The following FGF13 variants were observed in gnomAD, a reference collection of about 807,000 sequenced individuals.
FGF13 encodes the protein fibroblast growth factor 13.
Under a neutral mutation model 19.5 loss-of-function variants are expected in FGF13, and 2 were observed. The observed-to-expected ratio is 0.10, with a 90% CI of 0.04 to 0.32. The LOEUF is 0.32. FGF13 is among the 10% of genes least tolerant of loss of function. The pLI is 1.00. For synonymous variants in FGF13, 72 were observed against 76.9 expected, an observed-to-expected ratio of 0.94 and a Z score of 0.33; for missense variants, 113 against 192.7, an observed-to-expected ratio of 0.59 and a Z score of 2.45.
rs749540678 is a variant in FGF13, at chrX:138,632,636, T to C, written c.*214A>G. On this transcript the variant is annotated 3_prime_UTR_variant, in exon 5 of 5. Transcript: ENST00000315930. ...TTCTCTCAGATTTAGTTCACTAAAA[T>C]GCTTGGCATTCTTATGCACAAGCTC... The C allele has an allele frequency of 3.7e-5, 13 of 352,982 alleles. No homozygotes were observed. The highest frequency in any genetic ancestry group is 6.4e-5 in the Non-Finnish European group (13 of 202,766). 29.1% of individuals were successfully genotyped at this position (352,982 alleles called of 1,213,427 possible). A position where few individuals can be genotyped will look rare whatever the true frequency, so the allele number is the denominator to read the frequency against.
chrX:138,870,761 C>T (rs1356537702), intron 1 of FGF13, among the ~76,000 whole-genome samples: 1 of 112,507 alleles, frequency 8.9e-6, no homozygotes, highest in African/African-American at 3.2e-5. Context: ...AGAGACTCAG[C>T]TTGCCATTGC....
intron 3 of FGF13, among the ~76,000 whole-genome samples, chrX:138,785,395 C>T (rs371540585): frequency 8.9e-6 from 1 of 111,924 alleles, no homozygotes; most frequent in African/African-American, 3.3e-5. Flanking sequence ...AAATCTCTTT[C>T]ATAAGTAGTC....
chrX:138,993,740 A>T (rs1463326283), intron 1 of FGF13, among the ~76,000 whole-genome samples: 2 of 111,942 alleles, frequency 1.8e-5, no homozygotes, highest in Admixed American at 9.5e-5. Context: ...AATCTCTTAG[A>T]GATGTACTTT....
Position 138,848,506 on chromosome X carries a change from G to T in FGF13, c.217+9006C>A, listed in dbSNP as rs943942346. ...CAATAAATTTTTTTCCAGTTATAAA[G>T]TCCTTTTTACTTAATTATTTCTTCT... is the stretch of plus-strand genomic sequence containing the variant. On this transcript the variant is annotated intron_variant, in intron 3 of 6. Transcript: ENST00000436198. 2.7e-5 allele frequency among the ~76,000 whole-genome samples: 3 copies of T among 111,466 alleles called. No homozygotes were observed. In the South Asian group the frequency reaches 1.1e-3, roughly 41 times the overall value.
chrX:138,859,024 A>T (rs2091274364), intron 2 of FGF13, among the ~76,000 whole-genome samples: 2 of 112,227 alleles, frequency 1.8e-5, no homozygotes, highest in Non-Finnish European at 3.8e-5. Flanking sequence ...GGTGATGCTG[A>T]TATTTTAGTC....
At chrX:139,193,072 G>A (rs894864712) in intron 1 of FGF13, among the ~76,000 whole-genome samples, 1 of 110,657 alleles carries the variant, frequency 9.0e-6, no homozygotes, top group Non-Finnish European at 1.9e-5. Context: ...TAAAATAACT[G>A]AAATCACTTA....
intron 1 of FGF13, among the ~76,000 whole-genome samples, chrX:138,941,406 A>G (rs1444725990): frequency 8.9e-6 from 1 of 111,765 alleles, no homozygotes; most frequent in Non-Finnish European, 1.9e-5. Context: ...TAGCATTCCT[A>G]TACACCAACG....
chrX:138,640,423 T>C (rs918672112), intron 3 of FGF13, among the ~76,000 whole-genome samples: 1 of 112,158 alleles, frequency 8.9e-6, no homozygotes, highest in Non-Finnish European at 1.9e-5. Context: ...GGGAGCAATA[T>C]AAATTGTTAT....
chrX:138,984,517 AGAAGAG>A (rs201711023), intron 1 of FGF13, among the ~76,000 whole-genome samples: 3,020 of 26,274 alleles, frequency 0.11, 692 homozygotes, highest in East Asian at 0.13. Context: ...AAGAGGAAGA[AGAAGAG>A]GAAGAAGAAG....
At chrX:139,026,561 G>T (rs2092201766) in intron 1 of FGF13, among the ~76,000 whole-genome samples, 1 of 111,787 alleles carries the variant, frequency 8.9e-6, no homozygotes, top group African/African-American at 3.3e-5. Flanking sequence ...TGACATCAAG[G>T]CCCAAGGTCA....
chrX:138,858,236 G>C (rs1383646935), intron 2 of FGF13, among the ~76,000 whole-genome samples: 1 of 111,623 alleles, frequency 9.0e-6, no homozygotes, highest in Non-Finnish European at 1.9e-5. Context: ...CCTTAATGAA[G>C]ACAAGAGATT....
At chrX:139,128,404 C>G (rs1603212441) in intron 1 of FGF13, among the ~76,000 whole-genome samples, 1 of 111,933 alleles carries the variant, frequency 8.9e-6, no homozygotes, top group African/African-American at 3.2e-5. Context: ...ACTTGGTTCT[C>G]TGGATCTCAT....
chrX:138,689,591 A>C (rs2089819144), intron 3 of FGF13, among the ~76,000 whole-genome samples: 1 of 112,395 alleles, frequency 8.9e-6, no homozygotes, highest in South Asian at 3.7e-4. Flanking sequence ...TGAGCAGAGG[A>C]GGCAAAAAGA....
At chrX:139,200,579 G>A (rs1365850270) in intron 1 of FGF13, among the ~76,000 whole-genome samples, 1 of 112,004 alleles carries the variant, frequency 8.9e-6, no homozygotes, top group African/African-American at 3.3e-5. Flanking sequence ...CAACAGTGCT[G>A]TCTCACCAAG....
At chrX:138,925,196 TG>T (rs1210096673) in intron 1 of FGF13, among the ~76,000 whole-genome samples, 1 of 112,025 alleles carries the variant, frequency 8.9e-6, no homozygotes, top group Non-Finnish European at 1.9e-5. Flanking sequence ...GCAAAGCAGA[TG>T]TTGGTAGCCC....
At chrX:139,035,212 C>G (rs775727044) in intron 1 of FGF13, among the ~76,000 whole-genome samples, 8 of 111,342 alleles carry the variant, frequency 7.2e-5, no homozygotes, top group Non-Finnish European at 1.5e-4. Context: ...AAGCCCAGAT[C>G]AGAACCACAC....
chrX:139,092,468 C>A lies in FGF13; in HGVS notation c.-113+110948G>T, dbSNP rs1361145888. On this transcript the variant is annotated intron_variant, in intron 1 of 2. Transcript: ENST00000421460. ...ATGCACAGGCAGAAGCCAGCCAGTT[C>A]AAACAACAGCCCTTAAACTGTGATC... Among the ~76,000 whole-genome samples the A allele has an allele frequency of 2.7e-5, 3 of 112,263 alleles. No individual in the cohort carries two copies. The East Asian group carries it at 8.4e-4, about 32-fold the overall frequency.
At chrX:138,963,503 G>T (rs1226666575) in intron 1 of FGF13, among the ~76,000 whole-genome samples, 2 of 112,224 alleles carry the variant, frequency 1.8e-5, no homozygotes, top group African/African-American at 6.5e-5. Flanking sequence ...AACCTTCTTG[G>T]TACTTGCCAC....
At chrX:138,829,763 C>A (rs189921759) in intron 3 of FGF13, among the ~76,000 whole-genome samples, 1 of 111,604 alleles carries the variant, frequency 9.0e-6, no homozygotes, top group African/African-American at 3.3e-5. Flanking sequence ...GTCACCCAGG[C>A]TGGAGTGCAG....
Sources: allele counts gnomAD v4.1 joint callset (sites outside exome capture counted in the v4.1 genomes callset), GRCh38; gene constraint gnomAD v4.1.1; transcripts MANE v1.5; gene names NCBI Gene and HGNC (gene_info 2026-07-23, HGNC 2026-07-21).